Variants in PRRC2B observed in about 807,000 individuals in gnomAD.
PRRC2B encodes the protein protein PRRC2B.
Under a neutral mutation model 242.3 loss-of-function variants are expected in PRRC2B, and 68 were observed. That is an observed-to-expected ratio of 0.28 (90% CI 0.23 to 0.34). PRRC2B has a LOEUF of 0.34. PRRC2B is among the 10% of genes least tolerant of loss of function. The pLI, the probability that PRRC2B is intolerant of heterozygous loss-of-function variation, is 1.00. For missense variants in PRRC2B, 2,835 were observed against 2,954.8 expected, an observed-to-expected ratio of 0.96 and a Z score of 0.94; for synonymous variants, 1,228 against 1,173.6, an observed-to-expected ratio of 1.05 and a Z score of -0.95.
chr9:131,448,558 A>AAAACAAAAAAAAAC (rs1838899205), intron 9 of PRRC2B, among the ~76,000 whole-genome samples: 6 of 144,258 alleles, frequency 4.2e-5, no homozygotes, highest in Non-Finnish European at 6.1e-5. Flanking sequence ...AAAAAAAAAA[A>AAAACAAAAAAAAAC]AAAAAAAAAA....
rs775574870 is a variant in PRRC2B at position 131,482,353 on chromosome 9, A to AT, written c.4984-14dup. ...AGTTGGGAGTTTGAGGCTATAACCC[A>AT]TTTTGTGCTCTGCACAGCAGGGTTT... On this transcript the variant is annotated splice_polypyrimidine_tract_variant and intron_variant, in intron 20 of 31. Coordinates refer to ENST00000683519, the MANE Select transcript of PRRC2B (RefSeq NM_013318.4). This position sits in a 1 kb window ranked among gnomAD's most constrained non-coding sequence, Gnocchi z 5.2. 149 of 1,546,688 alleles carry AT rather than the reference A, an allele frequency of 9.6e-5. 1 individual carries two copies. The Middle Eastern group carries it at 2.1e-3, about 22-fold the overall frequency.
intron 1 of PRRC2B, among the ~76,000 whole-genome samples, chr9:131,418,504 A>T (rs569684461): frequency 1.3e-5 from 2 of 152,268 alleles, no homozygotes; most frequent in African/African-American, 4.8e-5. Context: ...GGGTTTAGGA[A>T]GGTGGGGAGG....
intron 1 of PRRC2B, among the ~76,000 whole-genome samples, chr9:131,423,953 T>A (rs1287169950): frequency 6.6e-6 from 1 of 151,898 alleles, no homozygotes; most frequent in Non-Finnish European, 1.5e-5. Context: ...TTTTTTTTTT[T>A]AGACAGATTT....
At chr9:131,410,357 T>A (rs77292868) in intron 1 of PRRC2B, among the ~76,000 whole-genome samples, 142 of 152,324 alleles carry the variant, frequency 9.3e-4, no homozygotes, top group African/African-American at 3.2e-3. Context: ...CAGCGCCAGT[T>A]CACACCCCAC....
In PRRC2B at chr9:131,377,423, AT is replaced by A. The variant is rs549478425; in HGVS notation, c.-56+3702del. 6.7e-5 allele frequency among the ~76,000 whole-genome samples: 10 copies of A among 150,202 alleles called. No homozygotes were observed. In the East Asian group the frequency reaches 1.2e-3, roughly 18 times the overall value. On this transcript the variant is annotated intron_variant, in intron 1 of 1. Transcript: ENST00000682525. ...CCACTGCTCCTGGCCTATACTATTA[AT>A]TTTTTTTTTATACCTCCACAATTGT... is the stretch of plus-strand genomic sequence containing the variant.
intron 1 of PRRC2B, among the ~76,000 whole-genome samples, chr9:131,385,047 G>T (rs375259561): frequency 6.6e-6 from 1 of 151,942 alleles, no homozygotes; most frequent in South Asian, 2.1e-4. Flanking sequence ...CACTCTTGTC[G>T]CCCAGGCTGG....
At chr9:131,394,770 G>A (rs1008480173) in intron 1 of PRRC2B, among the ~76,000 whole-genome samples, 15 of 151,908 alleles carry the variant, frequency 9.9e-5, no homozygotes, top group African/African-American at 3.6e-4. Flanking sequence ...CGTTCGCGGG[G>A]CCGTTCCTGG....
rs764633469 is a variant in PRRC2B at position 131,491,600 on chromosome 9, C to T, written c.6381+20C>T. ...AGAGAGGTAAGGGGACCCCATCTGCCTCTGACCCTAGGGAGGGGGCCTTGT... is the reference window on the plus strand; with the variant it reads ...AGAGAGGTAAGGGGACCCCATCTGCTTCTGACCCTAGGGAGGGGGCCTTGT... On this transcript the variant is annotated intron_variant, in intron 29 of 31. Coordinates refer to ENST00000683519, the MANE Select transcript of PRRC2B (RefSeq NM_013318.4). 4 of 1,595,230 alleles carry T rather than the reference C, an allele frequency of 2.5e-6. No individual in the cohort carries two copies. Among genetic ancestry groups the T allele is most frequent in the South Asian group, 1.1e-5 (1 of 88,322 alleles).
Position 131,473,643 on chromosome 9 carries a change from G to A in PRRC2B, c.2243G>A (p.Gly748Asp). 1 of 1,613,852 alleles carries A rather than the reference G, an allele frequency of 6.2e-7. No homozygotes were observed. Residue 748 changes from glycine to aspartate, a missense_variant, in exon 15 of 32, where the codon GGC becomes GAC. By Grantham distance (94) the Gly-to-Asp change is moderately conservative. Around this residue, in one of 7 missense-constraint regions of PRRC2B, gnomAD observed 1,536 missense variants for 1,483.1 expected, o/e 1.04. Transcript: ENST00000683519. ...TCACCCCCTGTGTGGAGCCCAGAGGGCTACATGGCACTGCAGAGCAAGGGC... is the reference window on the plus strand; with the variant it reads ...TCACCCCCTGTGTGGAGCCCAGAGGACTACATGGCACTGCAGAGCAAGGGC... ...IDSPPVWSPE[G>D]YMALQSKGYP...
At chr9:131,430,551 G>GTA (rs1838121743) in intron 2 of PRRC2B, among the ~76,000 whole-genome samples, 1 of 96,812 alleles carries the variant, frequency 1.0e-5, no homozygotes, top group East Asian at 3.0e-4. Context: ...ATATCTATAG[G>GTA]TGTGTGTGTA....
intron 1 of PRRC2B, among the ~76,000 whole-genome samples, chr9:131,418,438 A>G (rs1837715597): frequency 6.6e-6 from 1 of 152,190 alleles, no homozygotes; most frequent in Non-Finnish European, 1.5e-5. Context: ...GATAGAACCA[A>G]TCTTGGTTTT....
At chr9:131,481,321 A>AAG (rs1353555590) in intron 19 of PRRC2B, among the ~76,000 whole-genome samples, 2 of 150,938 alleles carry the variant, frequency 1.3e-5, no homozygotes, top group Non-Finnish European at 1.5e-5. Flanking sequence ...CAAAAAAAAA[A>AAG]AAAAAAAAAA....
intron 5 of PRRC2B, among the ~76,000 whole-genome samples, chr9:131,443,597 T>G (rs1287414559): frequency 6.6e-6 from 1 of 151,858 alleles, no homozygotes; most frequent in Non-Finnish European, 1.5e-5. Flanking sequence ...CCAGACTAAT[T>G]TTTTGTATTT....
intron 13 of PRRC2B, among the ~76,000 whole-genome samples, chr9:131,470,241 C>T (rs551194977): frequency 1.2e-4 from 19 of 152,228 alleles, no homozygotes; most frequent in South Asian, 4.1e-4. Flanking sequence ...CGAGTAGCCT[C>T]GTAGGATTTA....
Position 131,476,448 on chromosome 9 carries a change from T to C in PRRC2B, c.4319T>C (p.Phe1440Ser). ...AGCCGAAAGCTGGAGCCGGGAGGGT[T>C]TGGGGAGAAGCCCGTTAGGCCAGGT... ...RQSRKLEPGG[F>S]GEKPVRPGGG... Residue 1440 changes from phenylalanine to serine, a missense_variant, in exon 16 of 32, where the codon TTT (phenylalanine) becomes TCT (serine). This residue lies in a region of PRRC2B where 1,536 missense variants were observed against 1,483.1 expected (regional missense o/e 1.04). Coordinates refer to ENST00000683519, the MANE Select transcript of PRRC2B (RefSeq NM_013318.4). 2 of 1,613,304 alleles carry C rather than the reference T, an allele frequency of 1.2e-6. No homozygotes were observed. Among genetic ancestry groups the C allele is most frequent in the Non-Finnish European group, 1.7e-6 (2 of 1,179,774 alleles).
chr9:131,450,267 AT>A lies in PRRC2B; in HGVS notation c.1120+2478del, dbSNP rs368794681. Among the ~76,000 whole-genome samples, 813 of 145,338 alleles carry A rather than the reference AT, an allele frequency of 5.6e-3. 7 individuals carry two copies. The highest frequency in any genetic ancestry group is 0.024 in the South Asian group (109 of 4,590). ...TCAACATCGATAAGTGACATCTTAAATTTTTTTTTTTTTTTCCCGAGACAGA... is the reference window on the plus strand; with the variant it reads ...TCAACATCGATAAGTGACATCTTAAATTTTTTTTTTTTTTCCCGAGACAGA... On this transcript the variant is annotated intron_variant, in intron 9 of 31. Transcript: ENST00000683519.
rs781581656 is a variant in PRRC2B at position 131,444,296 on chromosome 9, C to T, written c.581C>T (p.Ser194Leu). The change falls in exon 6 of 32, where the codon TCG (serine) becomes TTG (leucine). Residue 194 changes from serine to leucine, a missense_variant. Ser to Leu is a moderately radical substitution (Grantham distance 145). Transcript: ENST00000683519. ...AAAGAAAAGGGCGTCTTAGATCTGT[C>T]GTATGGGCCAGGACCAAGCCTCCGC... is the stretch of plus-strand genomic sequence containing the variant. The part of the protein sequence containing the change: ...AGKEKGVLDL[S>L]YGPGPSLRPQ... 36 of 1,613,258 alleles carry T rather than the reference C, an allele frequency of 2.2e-5. No homozygotes were observed. The South Asian group carries it at 3.3e-4, about 15-fold the overall frequency.
chr9:131,494,081 G>C lies in PRRC2B; in HGVS notation c.6474-324G>C, dbSNP rs903025572. On this transcript the variant is annotated intron_variant, in intron 30 of 31. Transcript: ENST00000683519. The surrounding 1 kb of genome is among the most constrained non-coding windows in gnomAD (Gnocchi z 4.3). Reference sequence around the variant, plus strand: ...TGCATCGTGTTGGTCCAGACCCTGAGACGGCCAGTGTCGCTTTCTGCACAG... The same window carrying C: ...TGCATCGTGTTGGTCCAGACCCTGACACGGCCAGTGTCGCTTTCTGCACAG... 4.6e-5 allele frequency among the ~76,000 whole-genome samples: 7 copies of C among 152,228 alleles called. No homozygotes were observed. The highest frequency in any genetic ancestry group is 1.4e-4 in the African/African-American group (6 of 41,464).
chr9:131,464,673 T>G, intron 11 of PRRC2B, 90 bp from the exon 12 acceptor site: 4 of 1,211,352 alleles, frequency 3.3e-6, no homozygotes, highest in Non-Finnish European at 4.5e-6. Flanking sequence ...CTTGAGGATC[T>G]TGGGAGGAGA....
Sources: allele counts gnomAD v4.1 joint callset (sites outside exome capture counted in the v4.1 genomes callset), GRCh38; gene constraint gnomAD v4.1.1; regional missense constraint gnomAD v4.1.1; non-coding constraint Gnocchi (gnomAD v3.1); transcripts MANE v1.5; gene names NCBI Gene and HGNC (gene_info 2026-07-23, HGNC 2026-07-21).